Variants in MAML3 observed in about 807,000 individuals in gnomAD.
The protein encoded by MAML3 is mastermind-like protein 3.
In MAML3, 27 loss-of-function variants were observed where a neutral mutation model predicts 101.9. The ratio of observed to expected loss-of-function variants is 0.27; its 90% CI spans 0.20 to 0.37. The LOEUF is 0.37. Among genes scored for constraint, MAML3 ranks in the 10% least tolerant of loss-of-function variants. The probability of loss-of-function intolerance (pLI) is 1.00; values close to 1 mark genes in which losing one functional copy is unlikely to be tolerated. For missense variants in MAML3, 1,316 were observed against 1,444.9 expected (o/e 0.91, Z 1.45); for synonymous variants, 501 against 555.9 (o/e 0.90, Z 1.39).
chr4:140,128,642 AAGGC>A (rs932891034), intron 1 of MAML3, among the ~76,000 whole-genome samples: 36 of 152,154 alleles, frequency 2.4e-4, no homozygotes, highest in African/African-American at 8.7e-4. Context: ...TCCCCACACA[AAGGC>A]AGCTGCAGTG....
In MAML3 at chr4:139,725,823, A is replaced by C. The variant is rs1296684090; in HGVS notation, c.2344T>G (p.Ser782Ala). The stretch of plus-strand genomic sequence containing the variant: ...TGGAGGTGCTGCCGGGGTAGATGTG[A>C]TTGCTGCAACTGCTAGAACAACAGA... ...QILAEQQLQQ[S>A]HLPRQHLQPQ... The change falls in exon 4 of 5, where the codon TCA (serine) becomes GCA (alanine). Residue 782 changes from serine to alanine, a missense_variant. By Grantham distance (99) the Ser-to-Ala change is moderately conservative. Transcript: ENST00000509479. 6.2e-7 allele frequency: 1 copy of C among 1,613,882 alleles called. No individual in the cohort carries two copies.
chr4:140,011,337 G>GTTTTTTTTTTT (rs1394373852), intron 1 of MAML3, among the ~76,000 whole-genome samples: 3 of 109,816 alleles, frequency 2.7e-5, no homozygotes, highest in Non-Finnish European at 5.8e-5. Flanking sequence ...AGGTTTTCTT[G>GTTTTTTTTTTT]TTTTGTTTTT....
chr4:139,737,629 A>G (rs1397464825), intron 2 of MAML3, among the ~76,000 whole-genome samples: 1 of 152,208 alleles, frequency 6.6e-6, no homozygotes, highest in Non-Finnish European at 1.5e-5. Context: ...ATTTAAAGAA[A>G]GGGCATAAGA....
intron 1 of MAML3, among the ~76,000 whole-genome samples, chr4:139,996,950 G>C (rs1734828911): frequency 6.6e-6 from 1 of 151,852 alleles, no homozygotes; most frequent in East Asian, 1.9e-4. Flanking sequence ...TCAGCTACTT[G>C]GGAGGCTGAG....
chr4:139,837,278 C>T (rs1185823822), intron 2 of MAML3, among the ~76,000 whole-genome samples: 5 of 151,374 alleles, frequency 3.3e-5, no homozygotes, highest in Admixed American at 6.6e-5. Flanking sequence ...GGGCGGATCA[C>T]GAGGTCAGGA....
At chr4:140,103,110 A>G (rs1410831571) in intron 1 of MAML3, among the ~76,000 whole-genome samples, 1 of 152,210 alleles carries the variant, frequency 6.6e-6, no homozygotes. Flanking sequence ...CTCTGCTACT[A>G]GAAGTCATTG....
intron 1 of MAML3, among the ~76,000 whole-genome samples, chr4:139,918,852 C>A (rs1444822821): frequency 6.6e-6 from 1 of 152,182 alleles, no homozygotes; most frequent in African/African-American, 2.4e-5. Flanking sequence ...GGAATCGTTT[C>A]TTAATGCTCC....
intron 2 of MAML3, among the ~76,000 whole-genome samples, chr4:139,880,465 GC>G (rs1447861857): frequency 6.6e-6 from 1 of 152,112 alleles, no homozygotes; most frequent in East Asian, 1.9e-4. Flanking sequence ...ATTCCACCTT[GC>G]CCCTGAGTGG....
intron 1 of MAML3, among the ~76,000 whole-genome samples, chr4:140,139,665 A>G (rs1386630619): frequency 6.6e-6 from 1 of 152,248 alleles, no homozygotes; most frequent in East Asian, 1.9e-4. Flanking sequence ...TTATTGCAAC[A>G]GCTGTAATCT....
At chr4:139,775,997 G>A (rs1447163570) in intron 2 of MAML3, among the ~76,000 whole-genome samples, 1 of 152,128 alleles carries the variant, frequency 6.6e-6, no homozygotes, top group East Asian at 1.9e-4. Flanking sequence ...CTGCTTCTAC[G>A]GCTGCCATTT....
intron 1 of MAML3, among the ~76,000 whole-genome samples, chr4:139,989,069 G>T (rs1237345364): frequency 1.3e-5 from 2 of 152,148 alleles, no homozygotes; most frequent in African/African-American, 4.8e-5. Context: ...GCCTCAGTTG[G>T]CAGAACTGCC....
At chr4:140,104,395 T>TTATATAATATATAA (rs1728309949) in intron 1 of MAML3, among the ~76,000 whole-genome samples, 1 of 31,076 alleles carries the variant, frequency 3.2e-5, no homozygotes, top group African/African-American at 7.8e-5. Context: ...ATATTATATA[T>TTATATAATATATAA]TATATAATAT....
intron 2 of MAML3, among the ~76,000 whole-genome samples, chr4:139,885,409 A>G (rs1732307791): frequency 6.6e-6 from 1 of 152,076 alleles, no homozygotes; most frequent in Admixed American, 6.5e-5. Flanking sequence ...CTTTCTCAAA[A>G]AAAGAAAGAA....
In MAML3 at chr4:140,036,129, C is replaced by T. The variant is rs377742555; in HGVS notation, c.468+116731G>A. On this transcript the variant is annotated intron_variant, in intron 1 of 4. Transcript: ENST00000509479. Reference sequence around the variant, plus strand: ...AACAGTACTTCTGCTGTTAACTGAGCTTACACACAGTGTCAGTCAAGGTTT... The same window carrying T: ...AACAGTACTTCTGCTGTTAACTGAGTTTACACACAGTGTCAGTCAAGGTTT... Among the ~76,000 whole-genome samples the T allele has an allele frequency of 2.7e-4, 41 of 152,310 alleles. 1 individual carries two copies. The highest frequency in any genetic ancestry group is 8.2e-4 in the African/African-American group (34 of 41,566).
At chr4:140,015,587 G>C (rs1222690607) in intron 1 of MAML3, among the ~76,000 whole-genome samples, 1 of 152,160 alleles carries the variant, frequency 6.6e-6, no homozygotes, top group Non-Finnish European at 1.5e-5. Flanking sequence ...AAGGATGTCT[G>C]TTCTCACTCC....
intron 1 of MAML3, among the ~76,000 whole-genome samples, chr4:140,003,006 A>G (rs4863721): frequency 0.94 from 142,629 of 152,248 alleles, 67,527 homozygotes; most frequent in East Asian, 1. Context: ...TCAGACTAAC[A>G]ATTTGGATGT....
intron 1 of MAML3, among the ~76,000 whole-genome samples, chr4:140,040,546 G>A (rs935348588): frequency 1.3e-5 from 2 of 152,220 alleles, no homozygotes; most frequent in African/African-American, 4.8e-5. Flanking sequence ...CTAGCCCTTG[G>A]GCGCCACACT....
At chr4:139,938,105 A>C (rs1733541215) in intron 1 of MAML3, among the ~76,000 whole-genome samples, 1 of 152,198 alleles carries the variant, frequency 6.6e-6, no homozygotes, top group Non-Finnish European at 1.5e-5. Flanking sequence ...AAGTCTGGGC[A>C]CCAAGGGCTA....
rs746053621 is a variant in MAML3 at position 139,719,656 on chromosome 4, C to A, written c.3084G>T (p.Arg1028=). 11 of 1,612,704 alleles carry A rather than the reference C, an allele frequency of 6.8e-6. No individual in the cohort carries two copies. The highest frequency in any genetic ancestry group is 8.5e-6 in the Non-Finnish European group (10 of 1,179,440). The change falls in exon 5 of 5, where the codon CGG becomes CGT. Residue 1028 remains arginine (R), a synonymous_variant. Transcript: ENST00000509479. The part of the protein sequence containing the change: ...VRTLNPAAMG[R]QMMPSLPGQQ... Reference sequence around the variant, plus strand: ...GCCCCGGGAGCGATGGCATCATCTGCCGACCCATGGCAGCTGGGTTGAGGG... The same window carrying A: ...GCCCCGGGAGCGATGGCATCATCTGACGACCCATGGCAGCTGGGTTGAGGG...
Sources: gnomAD v4.1 joint callset for allele counts (sites outside exome capture counted in the v4.1 genomes callset) on GRCh38, gnomAD v4.1.1 for gene constraint, MANE v1.5 for transcripts, NCBI Gene and HGNC (gene_info 2026-07-23, HGNC 2026-07-21) for gene names.